Variants in RGS6 observed in about 807,000 individuals in gnomAD.
RGS6 encodes the protein regulator of G-protein signaling 6.
In RGS6, 30 loss-of-function variants were observed where a neutral mutation model predicts 78.5. The observed-to-expected ratio is 0.38, with a 90% CI of 0.29 to 0.52. The LOEUF (loss-of-function observed/expected upper bound fraction) is 0.52. RGS6 is among the 20% of genes least tolerant of loss of function. The pLI is 0.85. For missense variants in RGS6, 495 were observed against 609.7 expected (o/e 0.81, Z 1.98); for synonymous variants, 206 against 206.0 (o/e 1.00, Z 0.00).
rs34446409 is a variant in RGS6, at chr14:72,007,152, A to ATT, written c.84+42288_84+42289dup. Among the ~76,000 whole-genome samples the ATT allele has an allele frequency of 4.1e-3, 611 of 148,850 alleles. 5 individuals are homozygous for ATT. The highest frequency in any genetic ancestry group is 0.01 in the African/African-American group (424 of 40,664). On this transcript the variant is annotated intron_variant, in intron 2 of 17. Coordinates refer to ENST00000553525, the MANE Select transcript of RGS6 (RefSeq NM_001204424.2). The stretch of plus-strand genomic sequence containing the variant: ...ACCAGAGTGCTGAAAGTGCTTTCTG[A>ATT]TTTTTTTTTTTTCCTGTTGCTTAGA...
At chr14:72,620,106 C>T in the RGS6 span, 1 of 1,024,718 alleles carries the variant, frequency 9.8e-7, no homozygotes, top group Non-Finnish European at 1.4e-6. Flanking sequence ...CTTTCCAGGC[C>T]CCACTTGGAG....
intron 2 of RGS6, among the ~76,000 whole-genome samples, chr14:72,241,916 A>C (rs533949224): frequency 3.3e-4 from 51 of 152,336 alleles, no homozygotes; most frequent in Admixed American, 5.2e-4. Context: ...AGCTAATACA[A>C]TTATAATAAT....
chr14:72,088,559 G>A (rs1405594723), intron 2 of RGS6, among the ~76,000 whole-genome samples: 4 of 152,072 alleles, frequency 2.6e-5, no homozygotes, highest in Admixed American at 1.3e-4. Context: ...TCTCTTGTTC[G>A]GATAACTATG....
At chr14:72,508,119 T>A (rs1405792505) in intron 13 of RGS6, among the ~76,000 whole-genome samples, 1 of 152,168 alleles carries the variant, frequency 6.6e-6, no homozygotes, top group Non-Finnish European at 1.5e-5. Flanking sequence ...TTTGACCTGA[T>A]GGGGTTAGTC....
At position 72,288,515 on chromosome 14, in the gene RGS6, G is replaced by A. The variant is rs994472713; in HGVS notation, c.85-63580G>A. ...CTGGGATGGAAGAAGAATAAGCTAA[G>A]TAGTCTGTCAGAGTTTGCCAGGTTA... is the stretch of plus-strand genomic sequence containing the variant. On this transcript the variant is annotated intron_variant, in intron 2 of 17. Transcript: ENST00000553525. 4.6e-5 allele frequency among the ~76,000 whole-genome samples: 7 copies of A among 152,230 alleles called. No homozygotes were observed. In the East Asian group the frequency reaches 1.2e-3, roughly 25 times the overall value.
Position 72,541,472 on chromosome 14 carries a change from T to C in RGS6, c.1422+1378T>C, listed in dbSNP as rs544095442. On this transcript the variant is annotated intron_variant, in intron 17 of 17. Transcript: ENST00000553525. ...GGCCTTTCCTCATGAGAAATCAGAA[T>C]GTGCAGAACACAAGGCCTGCGGGTG... The C allele has an allele frequency of 3.3e-6, 5 of 1,535,648 alleles. No homozygotes were observed. In the East Asian group the frequency reaches 1.2e-4, roughly 38 times the overall value.
chr14:71,937,697 C>T (rs1016257753), intron 1 of RGS6, among the ~76,000 whole-genome samples: 4 of 152,176 alleles, frequency 2.6e-5, no homozygotes, highest in African/African-American at 7.2e-5. Flanking sequence ...TGGAATACCA[C>T]GATGGTGGAT....
At chr14:72,547,875 C>G (rs1042656487) in intron 17 of RGS6, among the ~76,000 whole-genome samples, 4 of 152,174 alleles carry the variant, frequency 2.6e-5, no homozygotes, top group Admixed American at 1.3e-4. Context: ...CTCCACACCC[C>G]CCGTGGCGGT....
At chr14:71,948,172 T>C (rs926297012) in intron 1 of RGS6, among the ~76,000 whole-genome samples, 1 of 151,784 alleles carries the variant, frequency 6.6e-6, no homozygotes, top group South Asian at 2.1e-4. Context: ...AAGAAGATGG[T>C]CACTAATATT....
intron 3 of RGS6, among the ~76,000 whole-genome samples, chr14:72,414,964 TG>T (rs1287510174): frequency 5.3e-5 from 8 of 152,108 alleles, no homozygotes; most frequent in Non-Finnish European, 1.2e-4. Flanking sequence ...CTGCCCCTAC[TG>T]GGGGGGTGCC....
chr14:72,045,791 G>C (rs956831346), intron 2 of RGS6, among the ~76,000 whole-genome samples: 6 of 151,952 alleles, frequency 3.9e-5, no homozygotes, highest in Non-Finnish European at 1.5e-5. Context: ...GGTGGATAAG[G>C]CTCTGGTAAA....
rs529105563 is a variant in RGS6 at position 72,145,687 on chromosome 14, T to C, written c.84+180812T>C. On this transcript the variant is annotated intron_variant, in intron 2 of 17. Transcript: ENST00000553525. ...TAGTAGAGATGGGGTTTCACCATGT[T>C]GGCCAGGCTGATCTCAAACTTCTGA... is the stretch of plus-strand genomic sequence containing the variant. Among the ~76,000 whole-genome samples, 160 of 152,354 alleles carry C rather than the reference T, an allele frequency of 1.1e-3. 1 individual carries two copies. Among genetic ancestry groups the C allele is most frequent in the African/African-American group, 3.0e-3 (126 of 41,582 alleles).
At chr14:72,260,895 A>C (rs2058041855) in intron 2 of RGS6, among the ~76,000 whole-genome samples, 1 of 152,222 alleles carries the variant, frequency 6.6e-6, no homozygotes, top group African/African-American at 2.4e-5. Flanking sequence ...TTGGCAGAGA[A>C]AGATGTGTAC....
At chr14:71,990,865 C>G in intron 2 of RGS6, 1 of 455,990 alleles carries the variant, frequency 2.2e-6, no homozygotes, top group Admixed American at 2.3e-5. Flanking sequence ...TCTTGCCCTG[C>G]CAAAACTGTT....
intron 2 of RGS6, among the ~76,000 whole-genome samples, chr14:72,078,162 T>A (rs1018808238): frequency 6.6e-5 from 10 of 152,188 alleles, no homozygotes; most frequent in African/African-American, 2.2e-4. Flanking sequence ...GCTGTTCTTA[T>A]GATAGTGAGT....
At chr14:72,462,215 G>A (rs2095800122) in intron 6 of RGS6, among the ~76,000 whole-genome samples, 1 of 152,196 alleles carries the variant, frequency 6.6e-6, no homozygotes, top group Non-Finnish European at 1.5e-5. Flanking sequence ...CAGGCTGGGA[G>A]AGGCAGCATG....
intron 2 of RGS6, among the ~76,000 whole-genome samples, chr14:72,347,262 C>A (rs1009519613): frequency 6.6e-6 from 1 of 152,154 alleles, no homozygotes; most frequent in Non-Finnish European, 1.5e-5. Flanking sequence ...GTCTCTATAC[C>A]TTCCCATCAC....
the RGS6 span, among the ~76,000 whole-genome samples, chr14:71,904,712 T>G: frequency 2.0e-5 from 3 of 152,348 alleles, no homozygotes; most frequent in Non-Finnish European, 4.4e-5. Flanking sequence ...CATTTACTAC[T>G]TTGCAGTTAT....
intron 3 of RGS6, among the ~76,000 whole-genome samples, chr14:72,362,955 C>G (rs1435666654): frequency 6.6e-6 from 1 of 152,166 alleles, no homozygotes; most frequent in Non-Finnish European, 1.5e-5. Flanking sequence ...ATTTTCATAG[C>G]CTCAAATACA....
Sources: allele counts gnomAD v4.1 joint callset (sites outside exome capture counted in the v4.1 genomes callset), GRCh38; gene constraint gnomAD v4.1.1; transcripts MANE v1.5; gene names NCBI Gene and HGNC (gene_info 2026-07-23, HGNC 2026-07-21).